Variants in NHSL1 observed in about 807,000 individuals in gnomAD.
The protein encoded by NHSL1 is NHS like 1, also known as NHS-like protein 1.
Under a neutral mutation model 95.0 loss-of-function variants are expected in NHSL1, and 48 were observed. That is an observed-to-expected ratio of 0.51 (90% CI 0.40 to 0.64). The LOEUF is 0.64. Ranked by LOEUF, NHSL1 falls within the 30% of genes least tolerant of loss-of-function variation. NHSL1 has a pLI of 0.00. For missense variants in NHSL1, 1,971 were observed against 2,077.7 expected, an observed-to-expected ratio of 0.95 and a Z score of 1.00; for synonymous variants, 783 against 833.9, an observed-to-expected ratio of 0.94 and a Z score of 1.05.
At chr6:138,537,260 A>G (rs1782393077) in intron 1 of NHSL1, among the ~76,000 whole-genome samples, 2 of 152,238 alleles carry the variant, frequency 1.3e-5, no homozygotes, top group Middle Eastern at 3.2e-3. Flanking sequence ...GAGCGGTATC[A>G]GGATACTCTC....
At position 138,447,399 on chromosome 6, in the gene NHSL1, CTG is replaced by C. The variant is rs1435054253; in HGVS notation, c.340-208_340-207del. Among the ~76,000 whole-genome samples the C allele has an allele frequency of 2.0e-5, 3 of 152,268 alleles. No homozygotes were observed. The South Asian group carries it at 6.2e-4, about 32-fold the overall frequency. On this transcript the variant is annotated intron_variant, in intron 3 of 7. Transcript: ENST00000343505. ...ATTCACACCAGCCTTAGTCTGTAAA[CTG>C]TGAGGACTGCAAAAGGTTCTGCTGA...
At chr6:138,489,863 AGAGAGAGAGG>A in intron 2 of NHSL1, among the ~76,000 whole-genome samples, 1 of 80,390 alleles carries the variant, frequency 1.2e-5, no homozygotes, top group Non-Finnish European at 2.3e-5. Flanking sequence ...GGAGAGAGAG[AGAGAGAGAGG>A]GAGAGAGGGA....
At chr6:138,572,098 G>A (rs921820501) in exon 1 of NHSL1, 1 of 556,152 alleles carries the variant, frequency 1.8e-6, no homozygotes, top group Non-Finnish European at 3.1e-6. Context: ...GAAAAGGAGG[G>A]GTTAAGAAAG....
At chr6:138,627,028 C>A (rs1784749313) in intron 1 of NHSL1, among the ~76,000 whole-genome samples, 1 of 151,796 alleles carries the variant, frequency 6.6e-6, no homozygotes, top group East Asian at 1.9e-4. Context: ...ACATAAAACA[C>A]CTAAAACAAT....
intron 1 of NHSL1, among the ~76,000 whole-genome samples, chr6:138,614,370 C>T (rs978554684): frequency 1.3e-5 from 2 of 152,160 alleles, no homozygotes; most frequent in Admixed American, 6.5e-5. Context: ...GTGATGGCCT[C>T]GTGAAACCAT....
intron 1 of NHSL1, among the ~76,000 whole-genome samples, chr6:138,585,368 C>T (rs1464151288): frequency 6.6e-6 from 1 of 152,202 alleles, no homozygotes; most frequent in Non-Finnish European, 1.5e-5. Context: ...AAGTGACCAA[C>T]TTGTGTCATT....
At chr6:138,598,934 T>C (rs1784336894) in intron 1 of NHSL1, among the ~76,000 whole-genome samples, 1 of 152,206 alleles carries the variant, frequency 6.6e-6, no homozygotes, top group Admixed American at 6.5e-5. Context: ...CCCATATGTT[T>C]CTAAACATTA....
At chr6:138,564,599 G>A (rs1266503200) in intron 1 of NHSL1, among the ~76,000 whole-genome samples, 3 of 151,902 alleles carry the variant, frequency 2.0e-5, no homozygotes, top group Admixed American at 2.0e-4. Context: ...AGTCCCAGAT[G>A]TGTTAAGTTT....
upstream of NHSL1, among the ~76,000 whole-genome samples, chr6:138,693,204 G>A (rs1187865065): frequency 6.6e-6 from 1 of 151,400 alleles, no homozygotes; most frequent in Non-Finnish European, 1.5e-5. The surrounding 1 kb of genome is among the most constrained non-coding windows in gnomAD (Gnocchi z 4.3). Flanking sequence ...CGAGGGAAGT[G>A]CCGCCGACAC....
chr6:138,612,109 C>CAAAAAAAAAAAAA, intron 1 of NHSL1, among the ~76,000 whole-genome samples: 1 of 73,492 alleles, frequency 1.4e-5, no homozygotes, highest in Non-Finnish European at 2.7e-5. Context: ...GACTCCATCT[C>CAAAAAAAAAAAAA]AAAAAAAAAA....
At chr6:138,592,616 C>CAACAAAA (rs71009590) in intron 1 of NHSL1, among the ~76,000 whole-genome samples, 63,903 of 150,290 alleles carry the variant, frequency 0.43, 14,425 homozygotes, top group African/African-American at 0.58. Flanking sequence ...AAACAAAAAA[C>CAACAAAA]AACAAAAAAC....
At chr6:138,495,364 C>T (rs375000701) in intron 2 of NHSL1, among the ~76,000 whole-genome samples, 1 of 152,176 alleles carries the variant, frequency 6.6e-6, no homozygotes, top group Admixed American at 6.6e-5. Context: ...GCTGGCAGAA[C>T]CTAGGCTCAG....
intron 1 of NHSL1, among the ~76,000 whole-genome samples, chr6:138,634,114 T>C (rs1279909703): frequency 6.6e-6 from 1 of 150,976 alleles, no homozygotes; most frequent in Non-Finnish European, 1.5e-5. Context: ...CCAGAGAAAA[T>C]CACCTTCACT....
chr6:138,667,846 T>C (rs570883910), intron 1 of NHSL1, among the ~76,000 whole-genome samples: 4 of 152,376 alleles, frequency 2.6e-5, no homozygotes, highest in African/African-American at 7.2e-5. Context: ...GATTTTCAAA[T>C]GCTTCTGTTA....
In NHSL1 at chr6:138,455,021, A is replaced by T. The variant is rs140134042; in HGVS notation, c.340-7828T>A. Among the ~76,000 whole-genome samples the T allele has an allele frequency of 1.3e-3, 203 of 152,348 alleles. 4 individuals carry two copies. The East Asian group carries it at 0.036, about 27-fold the overall frequency. ...AGTAGTGGGATGGAAACAGCAAGAGAAACTGGAATGGGTCATTGGAGACAT... is the reference window on the plus strand; with the variant it reads ...AGTAGTGGGATGGAAACAGCAAGAGTAACTGGAATGGGTCATTGGAGACAT... On this transcript the variant is annotated intron_variant, in intron 3 of 7. Coordinates refer to ENST00000343505, the MANE Select transcript of NHSL1 (RefSeq NM_001144060.2).
chr6:138,692,795 TCA>T (rs1489159718), upstream of NHSL1, among the ~76,000 whole-genome samples: 1 of 149,566 alleles, frequency 6.7e-6, no homozygotes, highest in Non-Finnish European at 1.5e-5. The surrounding 1 kb of genome is among the most constrained non-coding windows in gnomAD (Gnocchi z 4.0). Context: ...GCGGGATCCC[TCA>T]GTCTGCCTCC....
upstream of NHSL1, among the ~76,000 whole-genome samples, chr6:138,549,009 ATAAGT>A (rs935688992): frequency 2.1e-4 from 32 of 151,144 alleles, no homozygotes; most frequent in African/African-American, 7.5e-4. Context: ...TAAAGTCTTC[ATAAGT>A]TAAGGAAGGT....
At chr6:138,645,701 T>C (rs1257368259) in intron 1 of NHSL1, among the ~76,000 whole-genome samples, 1 of 151,778 alleles carries the variant, frequency 6.6e-6, no homozygotes, top group Non-Finnish European at 1.5e-5. Context: ...AGAGATGGGG[T>C]TTCACCATGT....
intron 1 of NHSL1, among the ~76,000 whole-genome samples, chr6:138,535,316 C>A (rs1329167183): frequency 1.3e-5 from 2 of 152,028 alleles, no homozygotes; most frequent in Non-Finnish European, 2.9e-5. Context: ...ATAATTCCAG[C>A]ACTATGGGAG....
Sources: gnomAD v4.1 joint callset for allele counts (sites outside exome capture counted in the v4.1 genomes callset) on GRCh38, gnomAD v4.1.1 for gene constraint, Gnocchi (gnomAD v3.1) non-coding constraint, MANE v1.5 for transcripts, NCBI Gene and HGNC (gene_info 2026-07-23, HGNC 2026-07-21) for gene names.